The following CEP76 variants were observed in gnomAD, a reference collection of about 807,000 sequenced individuals.
The protein encoded by CEP76 is centrosomal protein of 76 kDa.
Under a neutral mutation model 83.3 loss-of-function variants are expected in CEP76, and 55 were observed. That is an observed-to-expected ratio of 0.66 (90% CI 0.53 to 0.83). The LOEUF is 0.83. CEP76 is among the 40% of genes least tolerant of loss of function. The pLI is 0.00. For synonymous variants in CEP76, 270 were observed against 274.5 expected, an observed-to-expected ratio of 0.98 and a Z score of 0.16; for missense variants, 694 against 799.5, an observed-to-expected ratio of 0.87 and a Z score of 1.59.
At chr18:12,689,467 T>C (rs1457183540) in intron 7 of CEP76, among the ~76,000 whole-genome samples, 2 of 152,206 alleles carry the variant, frequency 1.3e-5, no homozygotes, top group African/African-American at 4.8e-5. Flanking sequence ...TCATACTGTT[T>C]ACAAAAAGAG....
intron 6 of CEP76, among the ~76,000 whole-genome samples, chr18:12,694,408 A>C (rs1941079): frequency 6.6e-6 from 1 of 152,198 alleles, no homozygotes; most frequent in Admixed American, 6.5e-5. Flanking sequence ...GAGAACCTCC[A>C]AACTAAAGAC....
intron 10 of CEP76, among the ~76,000 whole-genome samples, chr18:12,676,851 T>C (rs1307443558): frequency 2.0e-5 from 3 of 152,186 alleles, no homozygotes; most frequent in Non-Finnish European, 2.9e-5. Context: ...CCAGAGAACA[T>C]GTTTGATAAA....
chr18:12,673,258 C>G lies in CEP76; in HGVS notation c.*107G>C. On this transcript the variant is annotated 3_prime_UTR_variant, in exon 12 of 12. Transcript: ENST00000262127. ...ATATACAAAATTGAAGTATGCCATT[C>G]AAGCCAGATTGTGATTTTAAAATAA... 1 of 1,461,712 alleles carries G rather than the reference C, an allele frequency of 6.8e-7. No individual in the cohort carries two copies. The highest frequency in any genetic ancestry group is 9.0e-7 in the Non-Finnish European group (1 of 1,112,150). The allele number at this position is 1,461,712 out of a possible 1,614,324, so 90.5% of individuals were successfully genotyped here.
At chr18:12,687,005 T>A (rs1178372674) in intron 7 of CEP76, among the ~76,000 whole-genome samples, 1 of 152,178 alleles carries the variant, frequency 6.6e-6, no homozygotes, top group Non-Finnish European at 1.5e-5. Context: ...AAGTTTTACA[T>A]CCTAAATACA....
rs28716250 is a variant in CEP76, at chr18:12,691,546, T to C, written c.805-59A>G. 159 of 1,291,794 alleles carry C rather than the reference T, an allele frequency of 1.2e-4. No individual in the cohort carries two copies. The African/African-American group carries it at 1.8e-3, about 15-fold the overall frequency. 80.0% of individuals were successfully genotyped at this position (1,291,794 alleles called of 1,614,324 possible). Reference sequence around the variant, plus strand: ...TTCATTATCTTTAATTACTACAAAATATGTAGCAAATTTATCTACTTCTCT... The same window carrying C: ...TTCATTATCTTTAATTACTACAAAACATGTAGCAAATTTATCTACTTCTCT... On this transcript the variant is annotated intron_variant, in intron 6 of 11. Transcript: ENST00000262127.
intron 9 of CEP76, among the ~76,000 whole-genome samples, chr18:12,680,112 A>G (rs1406620197): frequency 2.6e-5 from 4 of 152,070 alleles, no homozygotes; most frequent in South Asian, 2.1e-4. Flanking sequence ...ACTAGTAAAC[A>G]TAATTTACTG....
At chr18:12,699,346 T>G in intron 3 of CEP76, 143 bp from the exon 4 acceptor site, 1 of 598,240 alleles carries the variant, frequency 1.7e-6, no homozygotes, top group Admixed American at 3.1e-5. Flanking sequence ...AATTTATTAC[T>G]GTATATGCCA....
At chr18:12,683,469 A>G (rs73407562) in intron 8 of CEP76, among the ~76,000 whole-genome samples, 1,699 of 152,118 alleles carry the variant, frequency 0.011, 39 homozygotes, top group African/African-American at 0.039. Flanking sequence ...TGACTCAAGG[A>G]AACTTAAAAC....
chr18:12,688,385 G>T (rs1189370931), intron 7 of CEP76, among the ~76,000 whole-genome samples: 1 of 152,094 alleles, frequency 6.6e-6, no homozygotes, highest in Non-Finnish European at 1.5e-5. Context: ...AAAGAATAAT[G>T]AATTTTTAAG....
chr18:12,674,452 A>AC, intron 11 of CEP76, 84 bp downstream of exon 11: 1 of 1,037,234 alleles, frequency 9.6e-7, no homozygotes, highest in East Asian at 2.4e-5. Flanking sequence ...AAAAAAAAAA[A>AC]AAAAAGGAAA....
chr18:12,686,114 C>A (rs1189900847), intron 8 of CEP76, 148 bp downstream of exon 8: 3 of 500,916 alleles, frequency 6.0e-6, no homozygotes, highest in Non-Finnish European at 1.0e-5. Context: ...TTTTGATCTG[C>A]AGTTGGTTGA....
intron 3 of CEP76, 39 bp downstream of exon 3, chr18:12,699,791 C>T: frequency 8.7e-7 from 1 of 1,155,620 alleles, no homozygotes; most frequent in Non-Finnish European, 1.2e-6. Flanking sequence ...TCAATATTTA[C>T]TATTAACCAC....
In CEP76 at chr18:12,686,460, A is replaced by G. The variant is rs368220385; in HGVS notation, c.934-10T>C. 195 of 1,590,824 alleles carry G rather than the reference A, an allele frequency of 1.2e-4. No individual in the cohort carries two copies. The African/African-American group carries it at 2.2e-3, about 18-fold the overall frequency. ...TTATCCCATTTTCATCCTAGGGAAAAGGGGAAAAACATCTGTAATGACATA... is the reference window on the plus strand; with the variant it reads ...TTATCCCATTTTCATCCTAGGGAAAGGGGGAAAAACATCTGTAATGACATA... On this transcript the variant is annotated splice_polypyrimidine_tract_variant and intron_variant, in intron 7 of 11. Transcript: ENST00000262127.
At chr18:12,685,291 C>G (rs550598912) in intron 8 of CEP76, 1 of 152,128 alleles carries the variant, frequency 6.6e-6, no homozygotes, top group Non-Finnish European at 1.5e-5. Flanking sequence ...TGAGCCACCA[C>G]GCCCAGCCTT....
In CEP76 at chr18:12,678,254, T is replaced by G; in HGVS notation, c.1478A>C (p.Glu493Ala). 6.2e-7 allele frequency: 1 copy of G among 1,614,176 alleles called. No individual in the cohort carries two copies. Among genetic ancestry groups the G allele is most frequent in the East Asian group, 2.2e-5 (1 of 44,880 alleles). ...NDESKWKPMS[E>A]EAIKSVCAPG... ...AGCACACACAGATTTAATTGCTTCC[T>G]CACTCATGGGTTTCCATTTGGATTC... The change falls in exon 10 of 12, where the codon GAG (glutamate) becomes GCG (alanine). Residue 493 changes from glutamate (E) to alanine (A), a missense_variant. Coordinates refer to ENST00000262127, the MANE Select transcript of CEP76 (RefSeq NM_024899.4).
chr18:12,690,753 C>T (rs2039726005), intron 7 of CEP76, among the ~76,000 whole-genome samples: 1 of 152,158 alleles, frequency 6.6e-6, no homozygotes, highest in South Asian at 2.1e-4. Flanking sequence ...CCGCGCCTAG[C>T]TGACCTGACC....
Position 12,683,186 on chromosome 18 carries a change from C to CA in CEP76, c.1123-2359dup, listed in dbSNP as rs765652085. Reference sequence around the variant, plus strand: ...GAAACCCCATCTCTACTAAAAATACCAAAAAAAAAAAAAAAAAAGCCAGGC... The same window carrying CA: ...GAAACCCCATCTCTACTAAAAATACCAAAAAAAAAAAAAAAAAAAGCCAGGC... On this transcript the variant is annotated intron_variant, in intron 8 of 11. Coordinates refer to ENST00000262127, the MANE Select transcript of CEP76 (RefSeq NM_024899.4). 9.0e-3 allele frequency among the ~76,000 whole-genome samples: 571 copies of CA among 63,650 alleles called. 23 individuals are homozygous for CA. Among genetic ancestry groups the CA allele is most frequent in the East Asian group, 0.05 (99 of 1,994 alleles). 41.8% of individuals were successfully genotyped at this position (63,650 alleles called of 152,430 possible). A position where few individuals can be genotyped will look rare whatever the true frequency, so the allele number is the denominator to read the frequency against.
chr18:12,669,032 C>CTTTTTTTTTTTTTTTTTTTTTTTTTTT (rs71174122), downstream of CEP76, among the ~76,000 whole-genome samples: 1 of 41,960 alleles, frequency 2.4e-5, no homozygotes. Context: ...ACCCCCCGCA[C>CTTTTTTTTTTTTTTTTTTTTTTTTTTT]TTTTTTTTTT....
In CEP76 at chr18:12,666,360, G is replaced by A. The variant is rs1436146010; in HGVS notation, c.*1728-4191C>T. ...AAAAAATTATTATCTTGCAAAGTTTGCTAAGTAATGGTCATTCTTCAACTG... is the reference window on the plus strand; with the variant it reads ...AAAAAATTATTATCTTGCAAAGTTTACTAAGTAATGGTCATTCTTCAACTG... On this transcript the variant is annotated intron_variant and NMD_transcript_variant, in intron 12 of 12. Coordinates refer to the CEP76 transcript ENST00000590143. Among the ~76,000 whole-genome samples the A allele has an allele frequency of 7.9e-5, 12 of 151,166 alleles. No individual in the cohort carries two copies. In the Admixed American group the frequency reaches 7.9e-4, roughly 10 times the overall value.
Sources: gnomAD v4.1 joint callset for allele counts (sites outside exome capture counted in the v4.1 genomes callset) on GRCh38, gnomAD v4.1.1 for gene constraint, MANE v1.5 for transcripts, NCBI Gene and HGNC (gene_info 2026-07-23, HGNC 2026-07-21) for gene names.